The following LHX9 variants were observed in gnomAD, a reference collection of about 807,000 sequenced individuals.
LHX9 encodes the protein LIM homeobox 9, also known as LIM/homeobox protein Lhx9.
A neutral mutation model predicts 36.5 loss-of-function variants in LHX9; 9 were observed. The observed-to-expected ratio is 0.25, with a 90% confidence interval of 0.15 to 0.43. The LOEUF (loss-of-function observed/expected upper bound fraction) is 0.43. Ranked by LOEUF, LHX9 falls within the 20% of genes least tolerant of loss-of-function variation. The pLI, the probability that LHX9 is intolerant of heterozygous loss-of-function variation, is 1.00. For missense variants in LHX9, 464 were observed against 526.4 expected, an observed-to-expected ratio of 0.88 and a Z score of 1.16; for synonymous variants, 211 against 212.1, an observed-to-expected ratio of 0.99 and a Z score of 0.04.
intron 3 of LHX9, among the ~76,000 whole-genome samples, chr1:197,925,448 A>T (rs1327684971): frequency 1.3e-5 from 2 of 152,234 alleles, no homozygotes; most frequent in Non-Finnish European, 2.9e-5. Flanking sequence ...TGTATTGTTC[A>T]GGAAAGGTTA....
rs192812279 is a variant in LHX9 at position 197,927,378 on chromosome 1, T to C, written c.734-213T>C. On this transcript the variant is annotated intron_variant, in intron 3 of 4. Transcript: ENST00000367387. ...GAGGATTTAACCAATATTTTTCTAT[T>C]GCATAAACTTTGGTTGTGTCTACAT... Among the ~76,000 whole-genome samples, 3 of 152,350 alleles carry C rather than the reference T, an allele frequency of 2.0e-5. No individual in the cohort carries two copies. The East Asian group carries it at 5.8e-4, about 29-fold the overall frequency.
chr1:197,918,822 C>G (rs1318599134), intron 1 of LHX9: 1 of 116,410 alleles, frequency 8.6e-6, no homozygotes, highest in African/African-American at 3.2e-5. Flanking sequence ...CTACAGAAGT[C>G]TCCGGAAATT....
Position 197,932,074 on chromosome 1 carries a change from GC to G in LHX9, c.*2817del. On this transcript the variant is annotated 3_prime_UTR_variant, in exon 5 of 5. Transcript: ENST00000367387. ...AATCATACATTAAAAAATTTATTAA[GC>G]CAAAAAAAAAGAGAGAGAGAGAGAC... 2 of 776,754 alleles carry G rather than the reference GC, an allele frequency of 2.6e-6. No homozygotes were observed. Among genetic ancestry groups the G allele is most frequent in the Non-Finnish European group, 4.0e-6 (2 of 506,322 alleles). 48.1% of individuals were successfully genotyped at this position (776,754 alleles called of 1,614,324 possible). A position where few individuals can be genotyped will look rare whatever the true frequency, so the allele number is the denominator to read the frequency against.
At position 197,921,548 on chromosome 1, in the gene LHX9, A is replaced by G. The variant is rs749884890; in HGVS notation, c.622A>G (p.Ser208Gly). The change falls in exon 3 of 5, where the codon AGC (serine) becomes GGC (glycine). Residue 208 changes from serine (S) to glycine (G), a missense_variant. Physicochemically the swap from Ser to Gly is moderately conservative, Grantham distance 56. Transcript: ENST00000367387. The surrounding 1 kb of genome is among the most constrained non-coding windows in gnomAD (Gnocchi z 4.6). Reference sequence around the variant, plus strand: ...GAGCTACACGGAGCTGGCGGCCAAGAGCGGCGGCCTGGCCCTGCCTTACTT... The same window carrying G: ...GAGCTACACGGAGCTGGCGGCCAAGGGCGGCGGCCTGGCCCTGCCTTACTT... ...QLSYTELAAK[S>G]GGLALPYFNG... 9.3e-6 allele frequency: 15 copies of G among 1,613,618 alleles called. No individual in the cohort carries two copies. In the South Asian group the frequency reaches 1.6e-4, roughly 18 times the overall value.
chr1:197,915,884 C>G (rs79476113), upstream of LHX9: 2 of 152,172 alleles, frequency 1.3e-5, no homozygotes, highest in African/African-American at 4.8e-5. Context: ...CTCTCCCTCT[C>G]TCCCTGGCTT....
rs1304709771 is a variant in LHX9, at chr1:197,917,578, C to G, written c.-246C>G. 3 of 1,497,166 alleles carry G rather than the reference C, an allele frequency of 2.0e-6. No individual in the cohort carries two copies. The highest frequency in any genetic ancestry group is 2.7e-6 in the Non-Finnish European group (3 of 1,116,392). 92.7% of individuals were successfully genotyped at this position (1,497,166 alleles called of 1,614,324 possible). On this transcript the variant is annotated 5_prime_UTR_variant, in exon 1 of 5. Transcript: ENST00000367387. ...CCTTCTACGCCTCTTTTTCCCTCCG[C>G]CCGAATTGTTTGTTTTCTGCACATC...
intron 3 of LHX9, among the ~76,000 whole-genome samples, chr1:197,922,729 C>T (rs1557974250): frequency 6.6e-6 from 1 of 152,204 alleles, no homozygotes; most frequent in South Asian, 2.1e-4. Context: ...AGACTCAGGA[C>T]AGGGGAGACC....
chr1:197,927,132 G>A (rs1336457280), intron 3 of LHX9, among the ~76,000 whole-genome samples: 1 of 152,180 alleles, frequency 6.6e-6, no homozygotes, highest in African/African-American at 2.4e-5. Context: ...TACGTCTCAT[G>A]ACAAAAAGCA....
At chr1:197,917,179 C>T, upstream of LHX9, 3 of 971,034 alleles carry the variant, frequency 3.1e-6, no homozygotes, top group Non-Finnish European at 3.7e-6. Context: ...TGCCTCCCCG[C>T]TCTCTATCCC....
Position 197,931,124 on chromosome 1 carries a change from T to C in LHX9, c.*1865T>C, listed in dbSNP as rs1466887536. On this transcript the variant is annotated 3_prime_UTR_variant, in exon 5 of 5. Coordinates refer to ENST00000367387, the MANE Select transcript of LHX9 (RefSeq NM_020204.3). ...GAAGTAAGTTTGTGAAAAATCAGGA[T>C]ATATGTGTTGTTTGTTAAATTAACT... The C allele has an allele frequency of 6.6e-6, 1 of 152,000 alleles. No homozygotes were observed. The highest frequency in any genetic ancestry group is 2.4e-5 in the African/African-American group (1 of 41,460). The allele number at this position is 152,000 out of a possible 1,614,324, so 9.4% of individuals were successfully genotyped here.
chr1:197,916,553 G>A (rs774301846), upstream of LHX9: 12 of 642,302 alleles, frequency 1.9e-5, no homozygotes, highest in Non-Finnish European at 3.1e-5. Context: ...AACCTGAACC[G>A]GGGAAGAGAA....
intron 1 of LHX9, among the ~76,000 whole-genome samples, chr1:197,918,981 C>T (rs1247611783): frequency 6.6e-6 from 1 of 152,164 alleles, no homozygotes; most frequent in African/African-American, 2.4e-5. Context: ...ATTTGTAACA[C>T]TCATTCAGTG....
chr1:197,914,671 A>T (rs2102588184), upstream of LHX9, among the ~76,000 whole-genome samples: 1 of 152,174 alleles, frequency 6.6e-6, no homozygotes, highest in African/African-American at 2.4e-5. Flanking sequence ...GGCTGGACCC[A>T]TGGGGACGTA....
At chr1:197,913,615 G>A (rs998375389), upstream of LHX9, among the ~76,000 whole-genome samples, 10 of 152,164 alleles carry the variant, frequency 6.6e-5, no homozygotes, top group Non-Finnish European at 1.3e-4. Context: ...GGGCATCCAG[G>A]GCCAGGTGGC....
Position 197,917,549 on chromosome 1 carries a change from T to C in LHX9, c.-275T>C. 1.4e-6 allele frequency: 2 copies of C among 1,463,038 alleles called. No individual in the cohort carries two copies. The highest frequency in any genetic ancestry group is 1.8e-6 in the Non-Finnish European group (2 of 1,092,322). The allele number at this position is 1,463,038 out of a possible 1,614,324, so 90.6% of individuals were successfully genotyped here. A position where few individuals can be genotyped will look rare whatever the true frequency, so the allele number is the denominator to read the frequency against. On this transcript the variant is annotated 5_prime_UTR_variant, in exon 1 of 5. Transcript: ENST00000367387. ...AACTCGATCTCTCAGAGCAGTAAGA[T>C]TCGCCTTCTACGCCTCTTTTTCCCT...
At position 197,929,193 on chromosome 1, in the gene LHX9, G is replaced by A; in HGVS notation, c.1128G>A (p.Val376=). 6.2e-7 allele frequency: 1 copy of A among 1,601,064 alleles called. No homozygotes were observed. The highest frequency in any genetic ancestry group is 8.5e-7 in the Non-Finnish European group (1 of 1,174,810). Residue 376 remains valine (V), a synonymous_variant, in exon 5 of 5, where the codon GTG becomes GTA. Coordinates refer to ENST00000367387, the MANE Select transcript of LHX9 (RefSeq NM_020204.3). ...CCACTATCACTGTAGTGACATCCGT[G>A]ACCTCTAACATGGACAGCCACGAAT... ...TNPTITVVTS[V]TSNMDSHESG...
chr1:197,921,541 G>T lies in LHX9; in HGVS notation c.615G>T (p.Ala205=). ...YPPQLSYTEL[A]AKSGGLALPY... ...CGCAGCTGAGCTACACGGAGCTGGC[G>T]GCCAAGAGCGGCGGCCTGGCCCTGC... Residue 205 remains alanine (A), a synonymous_variant, in exon 3 of 5, where the codon GCG becomes GCT. Coordinates refer to ENST00000367387, the MANE Select transcript of LHX9 (RefSeq NM_020204.3). This position sits in a 1 kb window ranked among gnomAD's most constrained non-coding sequence, Gnocchi z 4.6. 1 of 1,613,896 alleles carries T rather than the reference G, an allele frequency of 6.2e-7. No individual in the cohort carries two copies. Among genetic ancestry groups the T allele is most frequent in the Non-Finnish European group, 8.5e-7 (1 of 1,180,026 alleles).
chr1:197,914,924 T>C (rs1454509130), upstream of LHX9, among the ~76,000 whole-genome samples: 2 of 152,180 alleles, frequency 1.3e-5, no homozygotes, highest in Non-Finnish European at 2.9e-5. Context: ...ACCTAGATGA[T>C]TAACAAACTT....
chr1:197,925,364 G>T (rs776409967), intron 3 of LHX9, among the ~76,000 whole-genome samples: 1 of 152,172 alleles, frequency 6.6e-6, no homozygotes, highest in Non-Finnish European at 1.5e-5. Context: ...ACCTTGGTGT[G>T]GAGTGGGGGA....
Sources: gnomAD v4.1 joint callset for allele counts (sites outside exome capture counted in the v4.1 genomes callset) on GRCh38, gnomAD v4.1.1 for gene constraint, Gnocchi (gnomAD v3.1) non-coding constraint, MANE v1.5 for transcripts, NCBI Gene and HGNC (gene_info 2026-07-23, HGNC 2026-07-21) for gene names.